CFAP299: variants seen among roughly 807,000 people sequenced by gnomAD.
CFAP299 encodes the protein cilia and flagella associated protein 299, also known as cilia- and flagella-associated protein 299.
CFAP299 carries 21 observed loss-of-function variants against 27.0 expected under a neutral mutation model. That is an observed-to-expected ratio of 0.78 (90% CI 0.55 to 1.12). The LOEUF (loss-of-function observed/expected upper bound fraction) is 1.12, where lower values mean the gene tolerates loss of function less well. CFAP299 is among the 50% of genes most tolerant of loss of function. CFAP299 has a pLI of 0.00. For synonymous variants in CFAP299, 104 were observed against 98.1 expected (o/e 1.06, Z -0.36); for missense variants, 310 against 276.6 (o/e 1.12, Z -0.86).
intron 2 of CFAP299, among the ~76,000 whole-genome samples, chr4:80,570,515 A>C (rs1326973835): frequency 6.6e-6 from 1 of 152,104 alleles, no homozygotes; most frequent in Non-Finnish European, 1.5e-5. Context: ...CATCAATAAA[A>C]ATAGGAAAAT....
chr4:80,454,840 G>T (rs1729069646), intron 2 of CFAP299, among the ~76,000 whole-genome samples: 1 of 152,120 alleles, frequency 6.6e-6, no homozygotes, highest in African/African-American at 2.4e-5. Flanking sequence ...GAGAGACTGG[G>T]GTTTTTAAGG....
intron 1 of CFAP299, among the ~76,000 whole-genome samples, chr4:80,341,787 T>C (rs938726467): frequency 1.3e-5 from 2 of 152,104 alleles, no homozygotes; most frequent in African/African-American, 4.8e-5. Flanking sequence ...CTGCAACAGG[T>C]CTCCAGCAAG....
intron 3 of CFAP299, among the ~76,000 whole-genome samples, chr4:80,725,120 T>A (rs993393399): frequency 7.3e-6 from 1 of 137,156 alleles, no homozygotes; most frequent in Non-Finnish European, 1.6e-5. Context: ...AATTTTTTTT[T>A]TTTTTTTTTT....
At chr4:80,518,637 A>T (rs138385997) in intron 2 of CFAP299, among the ~76,000 whole-genome samples, 2 of 152,158 alleles carry the variant, frequency 1.3e-5, no homozygotes, top group African/African-American at 4.8e-5. Flanking sequence ...ACAGAAGAGT[A>T]TGGAAATACA....
At chr4:80,662,400 G>C (rs558970093) in intron 3 of CFAP299, among the ~76,000 whole-genome samples, 78 of 83,686 alleles carry the variant, frequency 9.3e-4, no homozygotes, top group Non-Finnish European at 1.6e-3. Context: ...TATTGGGTGT[G>C]AATTTCCCCC....
intron 3 of CFAP299, among the ~76,000 whole-genome samples, chr4:80,633,666 A>C (rs1739334680): frequency 6.6e-6 from 1 of 152,084 alleles, no homozygotes; most frequent in Non-Finnish European, 1.5e-5. Context: ...CTGATACTAA[A>C]TTTTCTTCCT....
chr4:80,689,590 G>A (rs565968378), intron 3 of CFAP299, among the ~76,000 whole-genome samples: 1 of 152,282 alleles, frequency 6.6e-6, no homozygotes, highest in African/African-American at 2.4e-5. Flanking sequence ...GCAAAATCAT[G>A]CCAAATTGTA....
At chr4:80,625,546 G>A (rs1319194721) in intron 3 of CFAP299, among the ~76,000 whole-genome samples, 1 of 151,988 alleles carries the variant, frequency 6.6e-6, no homozygotes, top group Non-Finnish European at 1.5e-5. Flanking sequence ...TACTTTGAAT[G>A]TAAATGGATT....
At chr4:80,882,345 A>T (rs1189525183) in intron 4 of CFAP299, among the ~76,000 whole-genome samples, 2 of 152,228 alleles carry the variant, frequency 1.3e-5, no homozygotes, top group Non-Finnish European at 1.5e-5. Context: ...CAAAGTTCAA[A>T]GTGGTAAGTA....
intron 2 of CFAP299, among the ~76,000 whole-genome samples, chr4:80,443,088 GCCGAATT>G (rs1728442645): frequency 6.6e-6 from 1 of 152,208 alleles, no homozygotes; most frequent in Non-Finnish European, 1.5e-5. Flanking sequence ...CGGATTCACA[GCCGAATT>G]CTCCCAGGGG....
chr4:80,418,680 A>G lies in CFAP299; in HGVS notation c.242+55796A>G, dbSNP rs185099382. On this transcript the variant is annotated intron_variant, in intron 2 of 5. Transcript: ENST00000358105. Reference sequence around the variant, plus strand: ...GGTGGAAGAGCGTCTTGTAAGCACCATTCTACTCTCTGCTACTTAGAGTTC... The same window carrying G: ...GGTGGAAGAGCGTCTTGTAAGCACCGTTCTACTCTCTGCTACTTAGAGTTC... Among the ~76,000 whole-genome samples the G allele has an allele frequency of 1.1e-4, 17 of 151,830 alleles. No homozygotes were observed. The East Asian group carries it at 2.9e-3, about 26-fold the overall frequency.
chr4:80,546,932 ATTG>A (rs1226967668), intron 2 of CFAP299, among the ~76,000 whole-genome samples: 2 of 152,146 alleles, frequency 1.3e-5, no homozygotes, highest in Non-Finnish European at 2.9e-5. Context: ...AAGAATCAAT[ATTG>A]TTAAAATGGC....
intron 2 of CFAP299, among the ~76,000 whole-genome samples, chr4:80,400,965 G>A (rs1323634049): frequency 2.0e-5 from 3 of 152,264 alleles, no homozygotes; most frequent in Middle Eastern, 3.4e-3. Context: ...AATGACTGTT[G>A]CTATGTTTCA....
intron 3 of CFAP299, among the ~76,000 whole-genome samples, chr4:80,683,406 CT>C (rs1238969906): frequency 6.6e-6 from 1 of 152,138 alleles, no homozygotes; most frequent in Admixed American, 6.5e-5. Context: ...GTTATTTAAT[CT>C]AATATTTTCT....
intron 4 of CFAP299, among the ~76,000 whole-genome samples, chr4:80,914,645 T>A (rs1421487916): frequency 6.6e-6 from 1 of 152,192 alleles, no homozygotes; most frequent in Non-Finnish European, 1.5e-5. Flanking sequence ...ACAGTGAACA[T>A]CTTTGCATGA....
At chr4:80,494,024 C>A (rs563745370) in intron 2 of CFAP299, among the ~76,000 whole-genome samples, 1 of 152,100 alleles carries the variant, frequency 6.6e-6, no homozygotes, top group East Asian at 1.9e-4. Context: ...ATCCACCCGC[C>A]TCGGCCTCCC....
rs139525205 is a variant in CFAP299 at position 80,440,516 on chromosome 4, A to G, written c.242+77632A>G. Reference sequence around the variant, plus strand: ...AGAAATCAATAACATCAACATCAACAAAAAGGATGCCCACGCAAAAACCCC... The same window carrying G: ...AGAAATCAATAACATCAACATCAACGAAAAGGATGCCCACGCAAAAACCCC... On this transcript the variant is annotated intron_variant, in intron 2 of 5. Coordinates refer to ENST00000358105, the MANE Select transcript of CFAP299 (RefSeq NM_152770.3). Among the ~76,000 whole-genome samples, 5 of 152,338 alleles carry G rather than the reference A, an allele frequency of 3.3e-5. No homozygotes were observed. The East Asian group carries it at 9.6e-4, about 29-fold the overall frequency.
chr4:80,918,078 A>G (rs1419616237), intron 4 of CFAP299, among the ~76,000 whole-genome samples: 1 of 152,154 alleles, frequency 6.6e-6, no homozygotes, highest in African/African-American at 2.4e-5. Flanking sequence ...AAACATTTCT[A>G]AAATCCTTTT....
chr4:80,595,329 A>G (rs977900793), intron 3 of CFAP299, among the ~76,000 whole-genome samples: 1 of 152,162 alleles, frequency 6.6e-6, no homozygotes, highest in African/African-American at 2.4e-5. Context: ...TCAAATTCAC[A>G]ATTACATATT....
Sources: allele counts gnomAD v4.1 joint callset (sites outside exome capture counted in the v4.1 genomes callset), GRCh38; gene constraint gnomAD v4.1.1; transcripts MANE v1.5; gene names NCBI Gene and HGNC (gene_info 2026-07-23, HGNC 2026-07-21).